Variants in DTNB observed in about 807,000 individuals in gnomAD.
DTNB encodes the protein dystrobrevin beta, also known as DTN-B.
DTNB carries 63 observed loss-of-function variants against 90.7 expected under a neutral mutation model. That is an observed-to-expected ratio of 0.69 (90% confidence interval 0.57 to 0.86). The LOEUF (loss-of-function observed/expected upper bound fraction) is 0.86. DTNB is among the 40% of genes least tolerant of loss of function. The pLI, the probability that DTNB is intolerant of heterozygous loss-of-function variation, is 0.00. For synonymous variants in DTNB, 277 were observed against 286.7 expected, an observed-to-expected ratio of 0.97 and a Z score of 0.34; for missense variants, 744 against 807.1, an observed-to-expected ratio of 0.92 and a Z score of 0.95.
intron 12 of DTNB, among the ~76,000 whole-genome samples, chr2:25,437,478 T>A (rs904028774): frequency 1.3e-5 from 2 of 152,116 alleles, no homozygotes; most frequent in African/African-American, 4.8e-5. Flanking sequence ...GCTAGGCTGG[T>A]CTCAAACTCC....
intron 19 of DTNB, among the ~76,000 whole-genome samples, chr2:25,383,416 CTA>C (rs1350353270): frequency 6.6e-6 from 1 of 152,054 alleles, no homozygotes; most frequent in Non-Finnish European, 1.5e-5. Flanking sequence ...TGAGGTTTCA[CTA>C]TGTTGGCCAG....
At chr2:25,480,771 A>C (rs950132065) in intron 10 of DTNB, among the ~76,000 whole-genome samples, 4 of 152,180 alleles carry the variant, frequency 2.6e-5, no homozygotes, top group African/African-American at 9.7e-5. Context: ...GAATTCTTTG[A>C]ATCGGCCACC....
At chr2:25,433,275 T>G (rs897407217) in intron 13 of DTNB, among the ~76,000 whole-genome samples, 4 of 152,194 alleles carry the variant, frequency 2.6e-5, no homozygotes, top group Non-Finnish European at 5.9e-5. Flanking sequence ...GCCAGAATAC[T>G]TTATTTACTC....
intron 4 of DTNB, among the ~76,000 whole-genome samples, chr2:25,620,660 A>G (rs2072297134): frequency 1.3e-5 from 2 of 152,156 alleles, no homozygotes; most frequent in African/African-American, 2.4e-5. Flanking sequence ...AAAAGCTACA[A>G]GATAAAGAGT....
chr2:25,470,207 G>C (rs1268021046), intron 10 of DTNB, among the ~76,000 whole-genome samples: 2 of 152,028 alleles, frequency 1.3e-5, no homozygotes, highest in Admixed American at 1.3e-4. Context: ...GAAATCTGTA[G>C]GAACCACCAA....
chr2:25,596,968 T>C (rs1244400155), intron 5 of DTNB, among the ~76,000 whole-genome samples: 2 of 152,142 alleles, frequency 1.3e-5, no homozygotes, highest in East Asian at 1.9e-4. Context: ...TCATCCACAG[T>C]TGGGGAGTAA....
At chr2:25,457,176 AT>A (rs772919001) in intron 10 of DTNB, among the ~76,000 whole-genome samples, 2 of 151,582 alleles carry the variant, frequency 1.3e-5, no homozygotes, top group Non-Finnish European at 2.9e-5. Context: ...CGCCCAGCTA[AT>A]TTTTGTATTT....
At chr2:25,670,326 C>T (rs1049510331) in intron 1 of DTNB, among the ~76,000 whole-genome samples, 2 of 152,162 alleles carry the variant, frequency 1.3e-5, no homozygotes, top group Admixed American at 1.3e-4. Flanking sequence ...AAACTGATAA[C>T]TTCTGTTTCT....
intron 16 of DTNB, among the ~76,000 whole-genome samples, chr2:25,400,584 A>G (rs1226959759): frequency 6.6e-6 from 1 of 152,210 alleles, no homozygotes; most frequent in Non-Finnish European, 1.5e-5. Flanking sequence ...ATGTTGTCCA[A>G]TGATAGGCAC....
chr2:25,448,714 C>A (rs376451559), intron 12 of DTNB, among the ~76,000 whole-genome samples: 1 of 151,940 alleles, frequency 6.6e-6, no homozygotes, highest in Admixed American at 6.6e-5. Flanking sequence ...ATTAGCCGGG[C>A]GTGGTGGCGG....
chr2:25,651,881 A>G (rs1180818196), intron 2 of DTNB, among the ~76,000 whole-genome samples: 1 of 152,170 alleles, frequency 6.6e-6, no homozygotes, highest in Non-Finnish European at 1.5e-5. Context: ...ACTGGGGGAA[A>G]AAAAGAGTAC....
chr2:25,532,090 T>C (rs1005128731), intron 8 of DTNB, among the ~76,000 whole-genome samples: 17 of 151,892 alleles, frequency 1.1e-4, no homozygotes, highest in African/African-American at 4.1e-4. Flanking sequence ...CTACTAAAAA[T>C]ACAAAATTAA....
At chr2:25,406,215 T>C (rs1211508759) in intron 16 of DTNB, among the ~76,000 whole-genome samples, 2 of 152,126 alleles carry the variant, frequency 1.3e-5, no homozygotes, top group Non-Finnish European at 2.9e-5. Context: ...AAAGGTTCTC[T>C]GGACTCAGAG....
chr2:25,397,427 A>G (rs2042676697), intron 16 of DTNB, among the ~76,000 whole-genome samples: 1 of 152,020 alleles, frequency 6.6e-6, no homozygotes, highest in Non-Finnish European at 1.5e-5. Flanking sequence ...ATATCGTATG[A>G]TCCCATTTAT....
intron 6 of DTNB, among the ~76,000 whole-genome samples, chr2:25,594,344 C>CA: frequency 6.6e-6 from 1 of 152,198 alleles, no homozygotes; most frequent in Non-Finnish European, 1.5e-5. Context: ...CAAATCTGCA[C>CA]AAAACCAGTC....
chr2:25,555,874 G>C (rs1034984350), intron 8 of DTNB, among the ~76,000 whole-genome samples: 2 of 152,100 alleles, frequency 1.3e-5, no homozygotes, highest in Admixed American at 6.6e-5. Flanking sequence ...AAAAGAATTA[G>C]CAGGGCATGG....
chr2:25,418,092 G>A (rs1172356949), intron 16 of DTNB, among the ~76,000 whole-genome samples: 1 of 152,168 alleles, frequency 6.6e-6, no homozygotes, highest in African/African-American at 2.4e-5. Context: ...CGCCAGAGAT[G>A]GAAGCAATAA....
chr2:25,617,737 G>T (rs1044917823), intron 4 of DTNB, among the ~76,000 whole-genome samples: 1 of 152,110 alleles, frequency 6.6e-6, no homozygotes, highest in Admixed American at 6.5e-5. Flanking sequence ...AATTAGCCAG[G>T]TGTGGTGATA....
At chr2:25,654,509 G>A (rs1021064586) in intron 1 of DTNB, among the ~76,000 whole-genome samples, 2 of 152,164 alleles carry the variant, frequency 1.3e-5, no homozygotes, top group African/African-American at 2.4e-5. Context: ...ACCACGTAAC[G>A]AAATTTTAAA....
Sources: allele counts gnomAD v4.1 joint callset (sites outside exome capture counted in the v4.1 genomes callset), GRCh38; gene constraint gnomAD v4.1.1; transcripts MANE v1.5; gene names NCBI Gene and HGNC (gene_info 2026-07-23, HGNC 2026-07-21).